PACS1: variants seen among roughly 807,000 people sequenced by gnomAD.
The protein encoded by PACS1 is PACS-1.
Under a neutral mutation model 115.0 loss-of-function variants are expected in PACS1, and 24 were observed. That is an observed-to-expected ratio of 0.21 (90% confidence interval 0.15 to 0.29). The LOEUF is 0.29. PACS1 is among the 10% of genes least tolerant of loss of function. The probability of loss-of-function intolerance (pLI) is 1.00; values close to 1 mark genes in which losing one functional copy is unlikely to be tolerated. For synonymous variants in PACS1, 453 were observed against 504.5 expected (o/e 0.90, Z 1.37); for missense variants, 838 against 1,251.2 (o/e 0.67, Z 4.98).
chr11:66,202,774 T>G (rs1292053227), intron 2 of PACS1, among the ~76,000 whole-genome samples: 1 of 104,596 alleles, frequency 9.6e-6, no homozygotes, highest in African/African-American at 3.7e-5. Context: ...TATATATATA[T>G]ATATATATTC....
chr11:66,184,507 A>G (rs968926862), intron 1 of PACS1, among the ~76,000 whole-genome samples: 2 of 152,172 alleles, frequency 1.3e-5, no homozygotes, highest in Non-Finnish European at 2.9e-5. Flanking sequence ...AGAATTATTT[A>G]GAAGGTTTCA....
At chr11:66,150,276 A>G (rs1352094626) in intron 1 of PACS1, among the ~76,000 whole-genome samples, 1 of 152,226 alleles carries the variant, frequency 6.6e-6, no homozygotes, top group East Asian at 1.9e-4. Flanking sequence ...AAAAATAACC[A>G]TTGAGACTAA....
chr11:66,121,084 T>C (rs1407138331), intron 1 of PACS1: 1 of 456,258 alleles, frequency 2.2e-6, no homozygotes, highest in Non-Finnish European at 4.4e-6. Flanking sequence ...CTGTCGGCAC[T>C]GTTTTTCTAA....
intron 1 of PACS1, among the ~76,000 whole-genome samples, chr11:66,107,866 A>G (rs1229251796): frequency 1.3e-5 from 2 of 152,208 alleles, no homozygotes; most frequent in African/African-American, 4.8e-5. Context: ...GAGCTGCCAT[A>G]TCTAGCTTGT....
At chr11:66,099,020 T>C (rs902169464) in intron 1 of PACS1, among the ~76,000 whole-genome samples, 1 of 152,062 alleles carries the variant, frequency 6.6e-6, no homozygotes, top group African/African-American at 2.4e-5. Flanking sequence ...CCATTGTTTT[T>C]CTTTTCTTTT....
At chr11:66,135,993 C>T (rs776308036) in intron 1 of PACS1, among the ~76,000 whole-genome samples, 3 of 152,162 alleles carry the variant, frequency 2.0e-5, no homozygotes, top group Non-Finnish European at 4.4e-5. Flanking sequence ...AGATTCTGCC[C>T]ACGTGCCTTC....
At chr11:66,139,946 A>T (rs1858940324) in intron 1 of PACS1, among the ~76,000 whole-genome samples, 1 of 152,182 alleles carries the variant, frequency 6.6e-6, no homozygotes, top group Non-Finnish European at 1.5e-5. Context: ...TAGTGGTTGT[A>T]AAGTTGCAAA....
At chr11:66,137,025 C>G (rs924437855) in intron 1 of PACS1, among the ~76,000 whole-genome samples, 8 of 145,358 alleles carry the variant, frequency 5.5e-5, no homozygotes, top group Non-Finnish European at 9.1e-5. Context: ...ACAAATTGCC[C>G]CCCCCCCCAC....
intron 1 of PACS1, among the ~76,000 whole-genome samples, chr11:66,101,505 C>CT (rs1857920527): frequency 1.3e-5 from 2 of 152,164 alleles, no homozygotes; most frequent in Admixed American, 6.5e-5. Flanking sequence ...TGCACATACT[C>CT]TGTTTTCTGA....
At chr11:66,216,431 C>G (rs1215940544) in intron 5 of PACS1, 89 bp from the exon 6 acceptor site, 3 of 1,437,604 alleles carry the variant, frequency 2.1e-6, no homozygotes, top group Non-Finnish European at 2.9e-6. Context: ...GTGTTTCCAC[C>G]CAAAGAGAAC....
intron 2 of PACS1, among the ~76,000 whole-genome samples, chr11:66,202,745 ATATATATAT>A (rs1565145284): frequency 0.042 from 1,285 of 30,684 alleles, 269 homozygotes; most frequent in Admixed American, 0.18. Flanking sequence ...AAAAAAAAAT[ATATATATAT>A]ATATATATAT....
intron 1 of PACS1, among the ~76,000 whole-genome samples, chr11:66,150,395 C>G (rs1433314198): frequency 6.6e-6 from 1 of 151,968 alleles, no homozygotes; most frequent in Non-Finnish European, 1.5e-5. Context: ...GAAACAGATT[C>G]TATTTCTAGG....
chr11:66,173,272 T>C (rs906702611), intron 1 of PACS1, among the ~76,000 whole-genome samples: 4 of 152,120 alleles, frequency 2.6e-5, no homozygotes, highest in African/African-American at 4.8e-5. Context: ...TCCTAAAATA[T>C]ATTTTATCTA....
chr11:66,163,350 C>CAAAAA (rs1231541629), intron 1 of PACS1, among the ~76,000 whole-genome samples: 1 of 58,012 alleles, frequency 1.7e-5, no homozygotes, highest in Admixed American at 2.0e-4. Context: ...GACCCTGTCT[C>CAAAAA]AAAAAAAAAA....
intron 9 of PACS1, among the ~76,000 whole-genome samples, 176 bp downstream of exon 9, chr11:66,220,967 T>C (rs574867758): frequency 5.3e-5 from 8 of 152,124 alleles, no homozygotes; most frequent in Non-Finnish European, 7.4e-5. Flanking sequence ...AGAAGTCCTA[T>C]AGGACTCTCA....
chr11:66,142,094 G>A (rs1859004344), intron 1 of PACS1, among the ~76,000 whole-genome samples: 1 of 152,042 alleles, frequency 6.6e-6, no homozygotes, highest in Non-Finnish European at 1.5e-5. Flanking sequence ...ACAGGCATGA[G>A]TCACCGCTCC....
chr11:66,132,341 C>G (rs898598031), intron 1 of PACS1, among the ~76,000 whole-genome samples: 1 of 152,158 alleles, frequency 6.6e-6, no homozygotes, highest in African/African-American at 2.4e-5. Flanking sequence ...CCTCCCCTAC[C>G]TTGTGGAACT....
intron 1 of PACS1, among the ~76,000 whole-genome samples, chr11:66,117,186 C>T (rs779223509): frequency 4.6e-5 from 7 of 152,056 alleles, no homozygotes; most frequent in Non-Finnish European, 5.9e-5. Flanking sequence ...GGAGGCTGGG[C>T]GCAGTGGTTC....
intron 1 of PACS1, among the ~76,000 whole-genome samples, chr11:66,150,142 T>C (rs924749523): frequency 6.6e-6 from 1 of 152,244 alleles, no homozygotes; most frequent in African/African-American, 2.4e-5. Context: ...AGACCATCTG[T>C]GAATATTTAT....
Sources: allele counts gnomAD v4.1 joint callset (sites outside exome capture counted in the v4.1 genomes callset), GRCh38; gene constraint gnomAD v4.1.1; transcripts MANE v1.5; gene names NCBI Gene and HGNC (gene_info 2026-07-23, HGNC 2026-07-21).